Variants in RAD50 observed in about 807,000 individuals in gnomAD.
RAD50 encodes DNA repair protein RAD50.
A neutral mutation model predicts 168.8 loss-of-function variants in RAD50; 132 were observed. The observed-to-expected ratio is 0.78, with a 90% CI of 0.68 to 0.90. The LOEUF is 0.90. Among genes scored for constraint, RAD50 ranks in the 40% least tolerant of loss-of-function variants. RAD50 has a pLI of 0.00. For missense variants in RAD50, 1,347 were observed against 1,534.4 expected (o/e 0.88, Z 2.04); for synonymous variants, 525 against 497.4 (o/e 1.06, Z -0.74).
At position 132,557,099 on chromosome 5, in the gene RAD50, A is replaced by G; in HGVS notation, c.-226A>G. ...GCTGGTCCCCGCCTCCGCTCTCCCC[A>G]CCGGCGGGGAAAGCAGCTGGTGTGG... On this transcript the variant is annotated 5_prime_UTR_variant, in exon 1 of 25. Transcript: ENST00000378823. 1.5e-6 allele frequency: 1 copy of G among 686,496 alleles called. No individual in the cohort carries two copies. Among genetic ancestry groups the G allele is most frequent in the Admixed American group, 2.7e-5 (1 of 36,464 alleles). The allele number at this position is 686,496 out of a possible 1,614,324, so 42.5% of individuals were successfully genotyped here.
At chr5:132,618,701 G>A (rs1393712532) in intron 21 of RAD50, among the ~76,000 whole-genome samples, 4 of 151,996 alleles carry the variant, frequency 2.6e-5, no homozygotes, top group African/African-American at 9.7e-5. Flanking sequence ...CTTTAAATAT[G>A]GTATTTTATG....
rs587782895 is a variant in RAD50 at position 132,604,019 on chromosome 5, CAA to C, written c.2498_2499del (p.Gln833ArgfsTer11). The C allele has an allele frequency of 1.5e-5, 24 of 1,613,524 alleles. No homozygotes were observed. The highest frequency in any genetic ancestry group is 1.5e-4 in the African/African-American group (11 of 74,884). Reference protein sequence around the residue: ...RTVQQVNQEKQEKQHKLDTVS... With the variant: ...RTVQQVNQEKXEKQHKLDTVS... ...TGTCCAACAAGTCAACCAGGAGAAA[CAA>C]GAGAAACAGCACAAGTTAGACACAG... On this transcript the variant is annotated frameshift_variant, in exon 15 of 25. Coordinates refer to ENST00000378823, the MANE Select transcript of RAD50 (RefSeq NM_005732.4). LOFTEE classifies it high-confidence loss of function.
At chr5:132,630,374 C>T (rs1222897862) in intron 21 of RAD50, among the ~76,000 whole-genome samples, 3 of 152,146 alleles carry the variant, frequency 2.0e-5, no homozygotes, top group Non-Finnish European at 4.4e-5. Flanking sequence ...ATTGTAAACA[C>T]GTAACCTTTA....
intron 5 of RAD50, among the ~76,000 whole-genome samples, chr5:132,584,053 T>A (rs1750552305): frequency 6.6e-6 from 1 of 152,104 alleles, no homozygotes; most frequent in Non-Finnish European, 1.5e-5. Flanking sequence ...TGTATTATAA[T>A]TTTTTTCCTC....
chr5:132,632,298 C>CA (rs1223253578), intron 21 of RAD50, among the ~76,000 whole-genome samples: 1 of 152,232 alleles, frequency 6.6e-6, no homozygotes. Flanking sequence ...CTGCAAACCA[C>CA]AGAACACACT....
At position 132,557,140 on chromosome 5, in the gene RAD50, C is replaced by A; in HGVS notation, c.-185C>A. 2 of 826,290 alleles carry A rather than the reference C, an allele frequency of 2.4e-6. No individual in the cohort carries two copies. Among genetic ancestry groups the A allele is most frequent in the South Asian group, 3.2e-5 (2 of 61,624 alleles). 51.2% of individuals were successfully genotyped at this position (826,290 alleles called of 1,614,324 possible). A position where few individuals can be genotyped will look rare whatever the true frequency, so the allele number is the denominator to read the frequency against. ...GCTGGTGTGGGAGGAAAGGCTCCAT[C>A]CCCCGCCCCCTCTCTCCCGCTGTTG... On this transcript the variant is annotated 5_prime_UTR_variant, in exon 1 of 25. Transcript: ENST00000378823.
intron 24 of RAD50, 99 bp downstream of exon 24, chr5:132,640,904 C>T: frequency 2.5e-6 from 4 of 1,577,308 alleles, no homozygotes; most frequent in South Asian, 1.1e-5. Context: ...GTGATGAAAA[C>T]GTTCTCTAGC....
intron 14 of RAD50, among the ~76,000 whole-genome samples, 198 bp from the exon 15 acceptor site, chr5:132,603,722 T>C (rs1432124145): frequency 6.6e-6 from 1 of 152,222 alleles, no homozygotes. Flanking sequence ...TCATCTTTAG[T>C]CAGCTTCCTT....
intron 19 of RAD50, among the ~76,000 whole-genome samples, chr5:132,612,987 A>G (rs1166065697): frequency 6.6e-6 from 1 of 152,058 alleles, no homozygotes; most frequent in Non-Finnish European, 1.5e-5. Context: ...GATGGACTGC[A>G]TAGCTTTCAG....
At position 132,557,150 on chromosome 5, in the gene RAD50, C is replaced by G. The variant is rs1286304739; in HGVS notation, c.-175C>G. On this transcript the variant is annotated 5_prime_UTR_variant, in exon 1 of 25. Transcript: ENST00000378823. The stretch of plus-strand genomic sequence containing the variant: ...GAGGAAAGGCTCCATCCCCCGCCCC[C>G]TCTCTCCCGCTGTTGGCTGGCAGGA... 2.3e-6 allele frequency: 2 copies of G among 877,606 alleles called. No individual in the cohort carries two copies. The highest frequency in any genetic ancestry group is 1.8e-6 in the Non-Finnish European group (1 of 553,020). The allele number at this position is 877,606 out of a possible 1,614,324, so 54.4% of individuals were successfully genotyped here.
At chr5:132,561,170 T>C (rs549101312) in intron 2 of RAD50, among the ~76,000 whole-genome samples, 1 of 152,256 alleles carries the variant, frequency 6.6e-6, no homozygotes, top group African/African-American at 2.4e-5. Flanking sequence ...TATACTTTAG[T>C]CTTTGTTGGG....
Position 132,645,551 on chromosome 5 carries a change from A to G in RAD50, c.*3187A>G, listed in dbSNP as rs1038003169. Reference sequence around the variant, plus strand: ...CAGTCTCATAGCTTTAAATTATCTTAGTTTGGGTTCTCCCAGAAGCAGAGC... The same window carrying G: ...CAGTCTCATAGCTTTAAATTATCTTGGTTTGGGTTCTCCCAGAAGCAGAGC... On this transcript the variant is annotated 3_prime_UTR_variant, in exon 25 of 25. Coordinates refer to ENST00000378823, the MANE Select transcript of RAD50 (RefSeq NM_005732.4). 2.0e-5 allele frequency: 3 copies of G among 152,140 alleles called. No individual in the cohort carries two copies. The highest frequency in any genetic ancestry group is 7.2e-5 in the African/African-American group (3 of 41,424). The allele number at this position is 152,140 out of a possible 1,614,324, so 9.4% of individuals were successfully genotyped here.
intron 2 of RAD50, among the ~76,000 whole-genome samples, chr5:132,566,985 G>A (rs1750220797): frequency 1.3e-5 from 2 of 152,072 alleles, no homozygotes; most frequent in Admixed American, 1.3e-4. Context: ...TGCTTATGAT[G>A]GTGTTTAGCA....
At chr5:132,595,874 G>T (rs978436796) in intron 13 of RAD50, 64 bp downstream of exon 13, 16 of 1,446,386 alleles carry the variant, frequency 1.1e-5, no homozygotes, top group Non-Finnish European at 1.5e-5. Context: ...CCCATCTCAT[G>T]CCTGGGCAGA....
Position 132,642,797 on chromosome 5 carries a change from G to GTATT in RAD50, c.*434_*437dup. The GTATT allele has an allele frequency of 2.8e-6, 1 of 352,842 alleles. No homozygotes were observed. The highest frequency in any genetic ancestry group is 5.5e-6 in the Non-Finnish European group (1 of 181,184). The allele number at this position is 352,842 out of a possible 1,614,324, so 21.9% of individuals were successfully genotyped here. On this transcript the variant is annotated 3_prime_UTR_variant, in exon 25 of 25. Transcript: ENST00000378823. ...CCTTGCATGTGGTTTGAAAAACTGA[G>GTATT]TATTAATATCTGAGGATGACCAGAA...
At position 132,630,043 on chromosome 5, in the gene RAD50, C is replaced by CTTT. The variant is rs753085121; in HGVS notation, c.3390-7058_3390-7056dup. On this transcript the variant is annotated intron_variant, in intron 21 of 24. Transcript: ENST00000378823. ...GTGGAAGGTTGCATATTAGGTAATA[C>CTTT]TTTTTTTTTTTTTTTTGAGACAGAG... is the stretch of plus-strand genomic sequence containing the variant. 6.2e-4 allele frequency among the ~76,000 whole-genome samples: 88 copies of CTTT among 141,272 alleles called. 2 individuals are homozygous for CTTT. Among genetic ancestry groups the CTTT allele is most frequent in the South Asian group, 1.4e-3 (6 of 4,422 alleles). 92.7% of individuals were successfully genotyped at this position (141,272 alleles called of 152,430 possible).
In RAD50 at chr5:132,575,254, C is replaced by T. The variant is rs181036523; in HGVS notation, c.214-523C>T. 9.8e-5 allele frequency among the ~76,000 whole-genome samples: 15 copies of T among 152,316 alleles called. No homozygotes were observed. The East Asian group carries it at 2.7e-3, about 27-fold the overall frequency. On this transcript the variant is annotated intron_variant, in intron 2 of 24. Coordinates refer to ENST00000378823, the MANE Select transcript of RAD50 (RefSeq NM_005732.4). The stretch of plus-strand genomic sequence containing the variant: ...GTAAGGAGGCGCAAGTCACATCTTA[C>T]ATGGACAGCAACAGGCAAAGAGAGC...
Position 132,580,127 on chromosome 5 carries a change from G to A in RAD50, c.756+61G>A, listed in dbSNP as rs1750481068. Reference sequence around the variant, plus strand: ...ATATCTTTATGGTATACAGCATGATGTTTTGATATAAGTATACATCGTGGA... The same window carrying A: ...ATATCTTTATGGTATACAGCATGATATTTTGATATAAGTATACATCGTGGA... On this transcript the variant is annotated intron_variant, in intron 5 of 24. Transcript: ENST00000378823. 4.3e-6 allele frequency: 6 copies of A among 1,389,320 alleles called. No homozygotes were observed. In the South Asian group the frequency reaches 4.7e-5, roughly 11 times the overall value. The allele number at this position is 1,389,320 out of a possible 1,614,324, so 86.1% of individuals were successfully genotyped here.
Position 132,643,097 on chromosome 5 carries a change from T to C in RAD50, c.*733T>C, listed in dbSNP as rs1751770232. 1.9e-6 allele frequency: 1 copy of C among 529,350 alleles called. No individual in the cohort carries two copies. Among genetic ancestry groups the C allele is most frequent in the East Asian group, 4.3e-5 (1 of 23,414 alleles). 32.8% of individuals were successfully genotyped at this position (529,350 alleles called of 1,614,324 possible). On this transcript the variant is annotated 3_prime_UTR_variant, in exon 25 of 25. Coordinates refer to ENST00000378823, the MANE Select transcript of RAD50 (RefSeq NM_005732.4). The stretch of plus-strand genomic sequence containing the variant: ...AAAGCTCTGACCACTTGAGGCCTGA[T>C]CTGCCCATCGTGAAGAAGCCTGTAA...
Sources: allele counts gnomAD v4.1 joint callset (sites outside exome capture counted in the v4.1 genomes callset), GRCh38; gene constraint gnomAD v4.1.1; transcripts MANE v1.5; gene names NCBI Gene and HGNC (gene_info 2026-07-23, HGNC 2026-07-21).